The following EPC2 variants were observed in gnomAD, a reference collection of about 807,000 sequenced individuals.
EPC2 encodes enhancer of polycomb homolog 2.
Under a neutral mutation model 92.1 loss-of-function variants are expected in EPC2, and 14 were observed. That is an observed-to-expected ratio of 0.15 (90% CI 0.10 to 0.24). The LOEUF (loss-of-function observed/expected upper bound fraction) is 0.24. Ranked by LOEUF, EPC2 falls within the 10% of genes least tolerant of loss-of-function variation. The probability of loss-of-function intolerance (pLI) is 1.00; values close to 1 mark genes in which losing one functional copy is unlikely to be tolerated. For synonymous variants in EPC2, 340 were observed against 334.7 expected (o/e 1.02, Z -0.17); for missense variants, 755 against 971.5 (o/e 0.78, Z 2.96).
At chr2:148,759,639 G>A (rs1683262929) in intron 4 of EPC2, among the ~76,000 whole-genome samples, 1 of 151,794 alleles carries the variant, frequency 6.6e-6, no homozygotes, top group Non-Finnish European at 1.5e-5. Context: ...GGATAAAGGG[G>A]CATTTTATAT....
At position 148,769,173 on chromosome 2, in the gene EPC2, C is replaced by G. The variant is rs542320006; in HGVS notation, c.1163C>G (p.Pro388Arg). The G allele has an allele frequency of 1.2e-6, 2 of 1,612,478 alleles. No homozygotes were observed. The highest frequency in any genetic ancestry group is 4.5e-5 in the East Asian group (2 of 44,838). The change falls in exon 8 of 14, where the codon CCG becomes CGG. Residue 388 changes from proline (P) to arginine (R), a missense_variant. Around this residue, in one of 4 missense-constraint regions of EPC2, gnomAD observed 509 missense variants for 607.7 expected, o/e 0.84. Coordinates refer to ENST00000258484, the MANE Select transcript of EPC2 (RefSeq NM_015630.4). Reference sequence around the variant, plus strand: ...TAGGTATTGTCCCCAGTATCAGAACCGGAAGAAGAAAATGATCCTGATGGT... The same window carrying G: ...TAGGTATTGTCCCCAGTATCAGAACGGGAAGAAGAAAATGATCCTGATGGT... The part of the protein sequence containing the change: ...FPQVLSPVSE[P>R]EEENDPDGPC...
chr2:148,763,141 T>C (rs1683334091), intron 6 of EPC2, among the ~76,000 whole-genome samples: 1 of 152,178 alleles, frequency 6.6e-6, no homozygotes, highest in South Asian at 2.1e-4. Flanking sequence ...CTAGTTATTA[T>C]CACTAGCCTT....
chr2:148,685,476 G>T (rs1387853636), intron 1 of EPC2, among the ~76,000 whole-genome samples: 1 of 152,170 alleles, frequency 6.6e-6, no homozygotes, highest in Non-Finnish European at 1.5e-5. Flanking sequence ...TAAAAGTTAT[G>T]CTGGCTGGGC....
In EPC2 at chr2:148,769,217, C is replaced by G. The variant is rs1308902544; in HGVS notation, c.1207C>G (p.Arg403Gly). The G allele has an allele frequency of 1.9e-6, 3 of 1,611,168 alleles. No homozygotes were observed. The highest frequency in any genetic ancestry group is 2.7e-5 in the African/African-American group (2 of 74,848). ...DPDGPCAFRR[R>G]AGCQYYAPRL... ...TGATGGTCCCTGTGCTTTCAGAAGG[C>G]GGGCAGGATGCCAGTATTATGCTGT... Residue 403 changes from arginine (R) to glycine (G), a missense_variant, in exon 8 of 14, where the codon CGG (arginine) becomes GGG (glycine). This residue lies in a region of EPC2 where 509 missense variants were observed against 607.7 expected (regional missense o/e 0.84). Coordinates refer to ENST00000258484, the MANE Select transcript of EPC2 (RefSeq NM_015630.4).
At chr2:148,699,971 GATAAC>G (rs1681839499) in intron 2 of EPC2, among the ~76,000 whole-genome samples, 1 of 152,116 alleles carries the variant, frequency 6.6e-6, no homozygotes, top group African/African-American at 2.4e-5. Context: ...GCCGTTCCCT[GATAAC>G]ATAAGATGTT....
chr2:148,694,953 A>G (rs1172751050), intron 2 of EPC2, among the ~76,000 whole-genome samples: 1 of 152,136 alleles, frequency 6.6e-6, no homozygotes, highest in East Asian at 1.9e-4. Context: ...TTGTATTTTT[A>G]GTAGAGATAG....
chr2:148,756,785 C>G (rs773060887), intron 4 of EPC2, among the ~76,000 whole-genome samples: 1 of 152,280 alleles, frequency 6.6e-6, no homozygotes, highest in Non-Finnish European at 1.5e-5. Context: ...AGAGGAAATT[C>G]CCAGCGTAGT....
chr2:148,696,545 T>C (rs1681747312), intron 2 of EPC2, among the ~76,000 whole-genome samples: 1 of 152,208 alleles, frequency 6.6e-6, no homozygotes, highest in Non-Finnish European at 1.5e-5. Flanking sequence ...ATTTGATGTA[T>C]AGTGGCACAT....
chr2:148,703,790 C>T (rs1222126030), intron 2 of EPC2, among the ~76,000 whole-genome samples: 1 of 152,158 alleles, frequency 6.6e-6, no homozygotes, highest in Non-Finnish European at 1.5e-5. Context: ...CTTGGACCCC[C>T]AAAGTGTTGG....
At chr2:148,712,416 C>G (rs759115074) in intron 2 of EPC2, among the ~76,000 whole-genome samples, 1 of 151,924 alleles carries the variant, frequency 6.6e-6, no homozygotes, top group Non-Finnish European at 1.5e-5. Context: ...ATTCGACACA[C>G]AGACACACAC....
Position 148,770,975 on chromosome 2 carries a change from C to G in EPC2, c.1376+38C>G, listed in dbSNP as rs151138439. 330 of 1,599,680 alleles carry G rather than the reference C, an allele frequency of 2.1e-4. No homozygotes were observed. In the African/African-American group the frequency reaches 3.7e-3, roughly 18 times the overall value. The stretch of plus-strand genomic sequence containing the variant: ...TTTTCACCTGGTTTTTGTTTGCTAT[C>G]TGGAACAGAAGACAAAGAGAACATG... On this transcript the variant is annotated intron_variant, in intron 9 of 13. Transcript: ENST00000258484.
At chr2:148,689,239 G>A (rs1681593487) in intron 1 of EPC2, among the ~76,000 whole-genome samples, 1 of 151,544 alleles carries the variant, frequency 6.6e-6, no homozygotes, top group Non-Finnish European at 1.5e-5. Flanking sequence ...GTCCAGTGGC[G>A]GATCTCGGCT....
At chr2:148,657,797 C>T (rs1680836368) in intron 1 of EPC2, among the ~76,000 whole-genome samples, 1 of 151,926 alleles carries the variant, frequency 6.6e-6, no homozygotes. Context: ...TGCCTTTCTG[C>T]CTTACCATTT....
chr2:148,755,741 T>G lies in EPC2; in HGVS notation c.666+1608T>G. 1.3e-5 allele frequency among the ~76,000 whole-genome samples: 2 copies of G among 152,172 alleles called. 1 individual carries two copies. Among genetic ancestry groups the G allele is most frequent in the Admixed American group, 1.3e-4 (2 of 15,276 alleles). On this transcript the variant is annotated intron_variant, in intron 4 of 13. Transcript: ENST00000258484. Reference sequence around the variant, plus strand: ...ACAAAGAAATTGCCTAACAACACATTTCTCAGATCTTTATTTGTTCGATTA... The same window carrying G: ...ACAAAGAAATTGCCTAACAACACATGTCTCAGATCTTTATTTGTTCGATTA...
At chr2:148,719,724 C>G (rs116284544) in intron 2 of EPC2, among the ~76,000 whole-genome samples, 1 of 152,160 alleles carries the variant, frequency 6.6e-6, no homozygotes, top group Non-Finnish European at 1.5e-5. Context: ...ATCAGGGGCC[C>G]GCTTAAAGCA....
intron 2 of EPC2, among the ~76,000 whole-genome samples, chr2:148,725,402 A>C (rs573588219): frequency 2.0e-5 from 3 of 151,886 alleles, no homozygotes; most frequent in Non-Finnish European, 4.4e-5. Flanking sequence ...CCTCACCCTC[A>C]TTATTTTCAT....
At chr2:148,647,158 C>A (rs1043876007) in intron 1 of EPC2, among the ~76,000 whole-genome samples, 1 of 152,154 alleles carries the variant, frequency 6.6e-6, no homozygotes, top group Non-Finnish European at 1.5e-5. Flanking sequence ...ACAGTTAACT[C>A]CTGGAAGGTA....
At chr2:148,773,006 A>G (rs1683556626) in intron 10 of EPC2, among the ~76,000 whole-genome samples, 1 of 152,176 alleles carries the variant, frequency 6.6e-6, no homozygotes, top group South Asian at 2.1e-4. Context: ...ACCACATTAA[A>G]AAATGATTTT....
chr2:148,738,865 T>C (rs1682819387), intron 2 of EPC2, among the ~76,000 whole-genome samples: 1 of 152,224 alleles, frequency 6.6e-6, no homozygotes, highest in Non-Finnish European at 1.5e-5. Context: ...TTGGCCTTCA[T>C]GGACATTCTA....
Sources: allele counts gnomAD v4.1 joint callset (sites outside exome capture counted in the v4.1 genomes callset), GRCh38; gene constraint gnomAD v4.1.1; regional missense constraint gnomAD v4.1.1; transcripts MANE v1.5; gene names NCBI Gene and HGNC (gene_info 2026-07-23, HGNC 2026-07-21).